The following THAP4 variants were observed in gnomAD, a reference collection of about 807,000 sequenced individuals.
THAP4 encodes the protein peroxynitrite isomerase THAP4.
In THAP4, 18 loss-of-function variants were observed where a neutral mutation model predicts 48.1. The ratio of observed to expected loss-of-function variants is 0.37; its 90% confidence interval spans 0.26 to 0.56. The LOEUF (loss-of-function observed/expected upper bound fraction) is 0.56. THAP4 is among the 20% of genes least tolerant of loss of function. The probability of loss-of-function intolerance (pLI) is 0.78; values close to 1 mark genes in which losing one functional copy is unlikely to be tolerated. For missense variants in THAP4, 656 were observed against 774.9 expected (o/e 0.85, Z 1.82); for synonymous variants, 345 against 324.9 (o/e 1.06, Z -0.66).
chr2:241,617,043 G>T (rs1399631581), intron 2 of THAP4, among the ~76,000 whole-genome samples: 3 of 152,198 alleles, frequency 2.0e-5, no homozygotes, highest in African/African-American at 7.2e-5. Flanking sequence ...TGTCACTGAA[G>T]CATGGGTGGG....
At chr2:241,584,940 G>A in intron 5 of THAP4, 2 of 600,082 alleles carry the variant, frequency 3.3e-6, no homozygotes, top group East Asian at 5.6e-5. Flanking sequence ...GGAACACAGG[G>A]ATTGTTTATT....
At chr2:241,623,975 C>T (rs544708582) in intron 2 of THAP4, among the ~76,000 whole-genome samples, 1 of 152,266 alleles carries the variant, frequency 6.6e-6, no homozygotes, top group South Asian at 2.1e-4. Context: ...GGAGTTCGTG[C>T]ACATCCCACA....
chr2:241,611,921 GAGAA>G (rs2067282131), intron 2 of THAP4, among the ~76,000 whole-genome samples: 1 of 152,064 alleles, frequency 6.6e-6, no homozygotes, highest in East Asian at 1.9e-4. Context: ...GTGAAACTAA[GAGAA>G]AGGGTCTTGC....
In THAP4 at chr2:241,633,546, G is replaced by A. The variant is rs765431394; in HGVS notation, c.611C>T (p.Ser204Phe). ...ATDAGDESATSSIEGGVTDKS... is the reference protein window; with the variant it reads ...ATDAGDESATFSIEGGVTDKS... ...ATCTGTCACGCCCCCTTCGATGGAG[G>A]AAGTGGCGCTCTCATCGCCAGCATC... The change falls in exon 2 of 6, where the codon TCC becomes TTC. Residue 204 changes from serine (S) to phenylalanine (F), a missense_variant. Ser to Phe is a radical substitution (Grantham distance 155). This residue lies in a region of THAP4 where 391 missense variants were observed against 412.4 expected (regional missense o/e 0.95). Coordinates refer to ENST00000407315, the MANE Select transcript of THAP4 (RefSeq NM_015963.6). This position sits in a 1 kb window ranked among gnomAD's most constrained non-coding sequence, Gnocchi z 7.5. 4.3e-5 allele frequency: 70 copies of A among 1,613,918 alleles called. No homozygotes were observed. The highest frequency in any genetic ancestry group is 3.3e-4 in the Middle Eastern group (2 of 6,084).
chr2:241,613,274 CAAAA>C (rs772453190), intron 2 of THAP4, among the ~76,000 whole-genome samples: 3 of 83,190 alleles, frequency 3.6e-5, no homozygotes, highest in Admixed American at 1.3e-4. Context: ...TGTACTAAGC[CAAAA>C]AAAAAAAAAA....
intron 1 of THAP4, 121 bp downstream of exon 1, chr2:241,636,820 C>T: frequency 6.6e-6 from 3 of 452,686 alleles, no homozygotes; most frequent in Non-Finnish European, 8.7e-6. Context: ...CGCCCGCTCC[C>T]CCGCGCCCCG....
In THAP4 at chr2:241,589,227, A is replaced by G. The variant is rs531934294; in HGVS notation, c.1615-4502T>C. ...AACAATGTCTCAAAAAAAAAAAAGA[A>G]AAAGAAAAGAAACCCCCCACCCCCA... is the stretch of plus-strand genomic sequence containing the variant. On this transcript the variant is annotated intron_variant, in intron 5 of 5. Coordinates refer to ENST00000407315, the MANE Select transcript of THAP4 (RefSeq NM_015963.6). Among the ~76,000 whole-genome samples the G allele has an allele frequency of 2.4e-4, 37 of 151,548 alleles. 1 individual carries two copies. Among genetic ancestry groups the G allele is most frequent in the African/African-American group, 7.3e-4 (30 of 41,340 alleles).
intron 2 of THAP4, among the ~76,000 whole-genome samples, chr2:241,613,862 C>G (rs567492971): frequency 1.3e-5 from 2 of 151,894 alleles, no homozygotes; most frequent in Non-Finnish European, 2.9e-5. Flanking sequence ...TATGAAAAAG[C>G]TTTTCAAGGC....
chr2:241,585,406 T>TG (rs2066881601), intron 5 of THAP4, among the ~76,000 whole-genome samples: 1 of 93,878 alleles, frequency 1.1e-5, no homozygotes, highest in Non-Finnish European at 2.2e-5. Context: ...TCATGTGGGG[T>TG]GGGGGGCACC....
intron 2 of THAP4, among the ~76,000 whole-genome samples, chr2:241,613,962 G>A (rs2067308520): frequency 6.6e-6 from 1 of 151,892 alleles, no homozygotes; most frequent in African/African-American, 2.4e-5. Flanking sequence ...GACCAGCCTG[G>A]GCAACATAGT....
In THAP4 at chr2:241,633,365, A is replaced by T. The variant is rs1218018308; in HGVS notation, c.792T>A (p.Asp264Glu). 6.2e-7 allele frequency: 1 copy of T among 1,611,818 alleles called. No homozygotes were observed. The highest frequency in any genetic ancestry group is 2.2e-5 in the East Asian group (1 of 44,754). ...EPIDRKRLKK[D>E]VEPSCSGSSL... is the part of the protein sequence containing the mutation. The stretch of plus-strand genomic sequence containing the variant: ...TGCTCCCACTGCAGCTTGGTTCCAC[A>T]TCTTTCTTCAGCCTCTTGCGGTCAA... Residue 264 changes from aspartate (D) to glutamate (E), a missense_variant, in exon 2 of 6, where the codon GAT (aspartate) becomes GAA (glutamate). Asp to Glu is a conservative substitution (Grantham distance 45, BLOSUM62 2). Coordinates refer to ENST00000407315, the MANE Select transcript of THAP4 (RefSeq NM_015963.6). This position sits in a 1 kb window ranked among gnomAD's most constrained non-coding sequence, Gnocchi z 7.5.
rs900761751 is a variant in THAP4, at chr2:241,610,329, C to G, written c.1241-3856G>C. ...GGCGCCGCATCTCCGCCCTCTCTTG[C>G]GCCTGCGGGACCGGGAGGGCCGCGC... is the stretch of plus-strand genomic sequence containing the variant. On this transcript the variant is annotated intron_variant, in intron 2 of 5. Transcript: ENST00000407315. The surrounding 1 kb of genome is among the most constrained non-coding windows in gnomAD (Gnocchi z 4.2). Among the ~76,000 whole-genome samples the G allele has an allele frequency of 6.6e-6, 1 of 152,172 alleles. No individual in the cohort carries two copies. The highest frequency in any genetic ancestry group is 1.9e-4 in the East Asian group (1 of 5,190).
intron 2 of THAP4, among the ~76,000 whole-genome samples, chr2:241,631,251 A>G (rs1438161701): frequency 6.6e-6 from 1 of 152,162 alleles, no homozygotes; most frequent in Non-Finnish European, 1.5e-5. Context: ...AGGATCCAGG[A>G]GGTCCTGAAA....
intron 2 of THAP4, among the ~76,000 whole-genome samples, chr2:241,631,819 A>G (rs566922250): frequency 2.7e-4 from 41 of 152,296 alleles, no homozygotes; most frequent in Middle Eastern, 3.4e-3. Context: ...GTGGATGACA[A>G]ACAATAATTT....
chr2:241,634,161 AT>A (rs1332079407), intron 1 of THAP4, 82 bp from the exon 2 acceptor site: 5 of 1,090,906 alleles, frequency 4.6e-6, no homozygotes, highest in Non-Finnish European at 6.6e-6. Flanking sequence ...CAAAACAAGT[AT>A]TTTTGCACGC....
intron 1 of THAP4, among the ~76,000 whole-genome samples, chr2:241,636,672 C>G (rs905134183): frequency 6.6e-6 from 1 of 152,142 alleles, no homozygotes; most frequent in African/African-American, 2.4e-5. Flanking sequence ...GCTTCCAGAG[C>G]GTGCGGCTTC....
rs1575045402 is a variant in THAP4 at position 241,637,141 on chromosome 2, C to T, written c.-124G>A. The T allele has an allele frequency of 1.1e-5, 11 of 992,586 alleles. No individual in the cohort carries two copies. The South Asian group carries it at 3.7e-4, about 33-fold the overall frequency. The allele number at this position is 992,586 out of a possible 1,614,324, so 61.5% of individuals were successfully genotyped here. A position where few individuals can be genotyped will look rare whatever the true frequency, so the allele number is the denominator to read the frequency against. On this transcript the variant is annotated 5_prime_UTR_variant, in exon 1 of 6. Coordinates refer to ENST00000407315, the MANE Select transcript of THAP4 (RefSeq NM_015963.6). The stretch of plus-strand genomic sequence containing the variant: ...GGGACGTGGGCCGGCCCGCGGCGTC[C>T]GCGCCGTACGGCAAGATGGAGGCGC...
intron 2 of THAP4, among the ~76,000 whole-genome samples, chr2:241,623,653 G>A (rs1054433589): frequency 2.0e-5 from 3 of 151,164 alleles, no homozygotes; most frequent in African/African-American, 7.3e-5. Context: ...AAGAAGGGAG[G>A]GGGTCAATCA....
chr2:241,633,257 G>A lies in THAP4; in HGVS notation c.900C>T (p.Pro300=). ...TATPQKPSQS[P]SAPPADVTPK... is the part of the protein sequence containing the mutation. ...GGGTGACGTCGGCAGGAGGGGCAGAGGGGCTCTGGGAAGGCTTCTGCGGTG... is the reference window on the plus strand; with the variant it reads ...GGGTGACGTCGGCAGGAGGGGCAGAAGGGCTCTGGGAAGGCTTCTGCGGTG... Residue 300 remains proline (P), a synonymous_variant, in exon 2 of 6, where the codon CCC becomes CCT. Transcript: ENST00000407315. The surrounding 1 kb of genome is among the most constrained non-coding windows in gnomAD (Gnocchi z 7.5). The A allele has an allele frequency of 6.2e-7, 1 of 1,610,942 alleles. No individual in the cohort carries two copies. Among genetic ancestry groups the A allele is most frequent in the South Asian group, 1.1e-5 (1 of 91,054 alleles).
Sources: allele counts gnomAD v4.1 joint callset (sites outside exome capture counted in the v4.1 genomes callset), GRCh38; gene constraint gnomAD v4.1.1; regional missense constraint gnomAD v4.1.1; non-coding constraint Gnocchi (gnomAD v3.1); transcripts MANE v1.5; gene names NCBI Gene and HGNC (gene_info 2026-07-23, HGNC 2026-07-21).